Variants in ZNF524 observed in about 807,000 individuals in gnomAD.
ZNF524 encodes zinc finger protein 524.
For synonymous variants in ZNF524, 194 were observed against 166.3 expected (o/e 1.17, Z -1.28); for missense variants, 388 against 380.1 (o/e 1.02, Z -0.17).
Position 55,603,039 on chromosome 19 carries a change from G to A in ZNF524, c.*132G>A. The A allele has an allele frequency of 8.5e-7, 1 of 1,181,534 alleles. No individual in the cohort carries two copies. Among genetic ancestry groups the A allele is most frequent in the Non-Finnish European group, 1.2e-6 (1 of 855,694 alleles). The allele number at this position is 1,181,534 out of a possible 1,614,324, so 73.2% of individuals were successfully genotyped here. A position where few individuals can be genotyped will look rare whatever the true frequency, so the allele number is the denominator to read the frequency against. On this transcript the variant is annotated 3_prime_UTR_variant, in exon 2 of 2. Transcript: ENST00000301073. The stretch of plus-strand genomic sequence containing the variant: ...CCGTTGTGGGAGCAGGTGGAGGGTG[G>A]AGACCTAAACTTTGGGGTCCAGCTG...
Position 55,602,615 on chromosome 19 carries a change from G to C in ZNF524, c.503G>C (p.Arg168Pro). 1 of 1,580,780 alleles carries C rather than the reference G, an allele frequency of 6.3e-7. No individual in the cohort carries two copies. Among genetic ancestry groups the C allele is most frequent in the Non-Finnish European group, 8.5e-7 (1 of 1,169,866 alleles). The change falls in exon 2 of 2, where the codon CGG becomes CCG. Residue 168 changes from arginine to proline, a missense_variant. Physicochemically the swap from Arg to Pro is moderately radical, Grantham distance 103. Transcript: ENST00000301073. ...CACTGCAACATCCATGCCGGCCTGC[G>C]GCCCTTCCGCTGCCCGCTGTGCCCC... ...RRHCNIHAGL[R>P]PFRCPLCPRR...
chr19:55,602,915 C>T lies in ZNF524; in HGVS notation c.*8C>T. The stretch of plus-strand genomic sequence containing the variant: ...AAAGGGGAGCCGGCCTGACCCACAC[C>T]CCCGGCCATCGCTCCCTGGGCCAGG... On this transcript the variant is annotated 3_prime_UTR_variant, in exon 2 of 2. Coordinates refer to ENST00000301073, the MANE Select transcript of ZNF524 (RefSeq NM_153219.4). 1 of 1,541,248 alleles carries T rather than the reference C, an allele frequency of 6.5e-7. No individual in the cohort carries two copies. Among genetic ancestry groups the T allele is most frequent in the Non-Finnish European group, 8.8e-7 (1 of 1,140,412 alleles).
intron 1 of ZNF524, 177 bp from the exon 2 acceptor site, chr19:55,601,898 A>G (rs1980698982): frequency 1.4e-5 from 6 of 421,334 alleles, no homozygotes; most frequent in Non-Finnish European, 2.5e-5. Context: ...CCTGTTTATC[A>G]GCTGATACAA....
At position 55,602,865 on chromosome 19, in the gene ZNF524, CGAG is replaced by C. The variant is rs778871635; in HGVS notation, c.766_768del (p.Glu256del). On this transcript the variant is annotated inframe_deletion, in exon 2 of 2. Coordinates refer to ENST00000301073, the MANE Select transcript of ZNF524 (RefSeq NM_153219.4). ...AGGGCATCCCGGCCACAGCAGGGGCCGAGGAGGAGGAGGAGACAGAGGGGAAAG... is the reference window on the plus strand; with the variant it reads ...AGGGCATCCCGGCCACAGCAGGGGCCGAGGAGGAGGAGACAGAGGGGAAAG... 97 of 1,593,806 alleles carry C rather than the reference CGAG, an allele frequency of 6.1e-5. No homozygotes were observed. The highest frequency in any genetic ancestry group is 2.1e-4 in the Admixed American group (12 of 56,246).
chr19:55,602,212 C>T lies in ZNF524; in HGVS notation c.100C>T (p.Arg34Cys), dbSNP rs757836781. The T allele has an allele frequency of 1.2e-6, 2 of 1,612,616 alleles. No individual in the cohort carries two copies. The highest frequency in any genetic ancestry group is 2.2e-5 in the South Asian group (2 of 91,026). The change falls in exon 2 of 2, where the codon CGT becomes TGT. Residue 34 changes from arginine (R) to cysteine (C), a missense_variant. Physicochemically the swap from Arg to Cys is radical, Grantham distance 180. Coordinates refer to ENST00000301073, the MANE Select transcript of ZNF524 (RefSeq NM_153219.4). Reference sequence around the variant, plus strand: ...TCCTGTTCCCCGGGGCCGCCGAGGCCGTCGTCCTGGGGGAGCCACCTCCTC... The same window carrying T: ...TCCTGTTCCCCGGGGCCGCCGAGGCTGTCGTCCTGGGGGAGCCACCTCCTC... ...SPPVPRGRRG[R>C]RPGGATSSNR...
Position 55,603,052 on chromosome 19 carries a change from T to C in ZNF524, c.*145T>C, listed in dbSNP as rs1980785542. 3 of 1,015,434 alleles carry C rather than the reference T, an allele frequency of 3.0e-6. No homozygotes were observed. The highest frequency in any genetic ancestry group is 3.2e-4 in the Middle Eastern group (1 of 3,090). 62.9% of individuals were successfully genotyped at this position (1,015,434 alleles called of 1,614,324 possible). ...AGGTGGAGGGTGGAGACCTAAACTT[T>C]GGGGTCCAGCTGCCTTCAGCCCCCC... On this transcript the variant is annotated 3_prime_UTR_variant, in exon 2 of 2. Coordinates refer to ENST00000301073, the MANE Select transcript of ZNF524 (RefSeq NM_153219.4).
At chr19:55,601,982 A>G in intron 1 of ZNF524, 93 bp from the exon 2 acceptor site, 1 of 808,212 alleles carries the variant, frequency 1.2e-6, no homozygotes, top group Non-Finnish European at 1.9e-6. Context: ...CACCTTTGTC[A>G]AGAGACTTGG....
At chr19:55,602,036 G>T in intron 1 of ZNF524, 39 bp from the exon 2 acceptor site, 1 of 1,376,938 alleles carries the variant, frequency 7.3e-7, no homozygotes, top group African/African-American at 1.4e-5. Context: ...GGGTGCTCTA[G>T]ACCCTGTGAG....
At position 55,602,894 on chromosome 19, in the gene ZNF524, G is replaced by T; in HGVS notation, c.782G>T (p.Gly261Val). The T allele has an allele frequency of 6.3e-7, 1 of 1,576,212 alleles. No individual in the cohort carries two copies. Among genetic ancestry groups the T allele is most frequent in the Non-Finnish European group, 8.6e-7 (1 of 1,161,232 alleles). The change falls in exon 2 of 2, where the codon GGG becomes GTG. Residue 261 changes from glycine to valine, a missense_variant. Physicochemically the swap from Gly to Val is moderately radical, Grantham distance 109. Transcript: ENST00000301073. ...AEEEEETEGK[G>V]EPA is the part of the protein sequence containing the mutation. ...GAGGAGGAGGAGACAGAGGGGAAAG[G>T]GGAGCCGGCCTGACCCACACCCCCG...
At position 55,603,130 on chromosome 19, in the gene ZNF524, C is replaced by G; in HGVS notation, c.*223C>G. 1 of 592,676 alleles carries G rather than the reference C, an allele frequency of 1.7e-6. No individual in the cohort carries two copies. The highest frequency in any genetic ancestry group is 3.0e-6 in the Non-Finnish European group (1 of 331,832). The allele number at this position is 592,676 out of a possible 1,614,324, so 36.7% of individuals were successfully genotyped here. On this transcript the variant is annotated 3_prime_UTR_variant, in exon 2 of 2. Coordinates refer to ENST00000301073, the MANE Select transcript of ZNF524 (RefSeq NM_153219.4). Reference sequence around the variant, plus strand: ...CAGGGGCTGTGGAAATAAATCTCTGCCTGCTGGCTGCCTGTGTGTGTTCCG... The same window carrying G: ...CAGGGGCTGTGGAAATAAATCTCTGGCTGCTGGCTGCCTGTGTGTGTTCCG...
chr19:55,602,300 A>C lies in ZNF524; in HGVS notation c.188A>C (p.Glu63Ala). Residue 63 changes from glutamate to alanine, a missense_variant, in exon 2 of 2, where the codon GAG becomes GCG. Physicochemically the swap from Glu to Ala is moderately radical, Grantham distance 107. Transcript: ENST00000301073. ...KRGRPPKSGQ[E>A]PPLVQVQGVT... ...GGCCGCCCCCCCAAGTCAGGGCAGG[A>C]GCCCCCACTGGTGCAGGTGCAGGGG... The C allele has an allele frequency of 6.3e-7, 1 of 1,583,056 alleles. No individual in the cohort carries two copies. Among genetic ancestry groups the C allele is most frequent in the Non-Finnish European group, 8.6e-7 (1 of 1,164,862 alleles).
At position 55,602,771 on chromosome 19, in the gene ZNF524, A is replaced by C; in HGVS notation, c.659A>C (p.Lys220Thr). Residue 220 changes from lysine (K) to threonine (T), a missense_variant, in exon 2 of 2, where the codon AAG becomes ACG. Transcript: ENST00000301073. ...ANTLRRHAKR[K>T]HPEAMGVPLC... ...ACGCTCCGGCGCCATGCGAAGCGCA[A>C]GCACCCGGAGGCCATGGGGGTACCC... 6.2e-7 allele frequency: 1 copy of C among 1,610,526 alleles called. No individual in the cohort carries two copies.
rs1377139683 is a variant in ZNF524 at position 55,602,341 on chromosome 19, G to A, written c.229G>A (p.Gly77Ser). 6.3e-6 allele frequency: 10 copies of A among 1,577,158 alleles called. No individual in the cohort carries two copies. Among genetic ancestry groups the A allele is most frequent in the East Asian group, 2.3e-5 (1 of 42,604 alleles). ...VQVQGVTAPVGSSGGSDLLLI... is the reference protein window; with the variant it reads ...VQVQGVTAPVSSSGGSDLLLI... ...GGTGCAGGGGGTGACAGCCCCAGTAGGCAGCAGTGGCGGGAGCGACCTCCT... is the reference window on the plus strand; with the variant it reads ...GGTGCAGGGGGTGACAGCCCCAGTAAGCAGCAGTGGCGGGAGCGACCTCCT... Residue 77 changes from glycine (G) to serine (S), a missense_variant, in exon 2 of 2, where the codon GGC (glycine) becomes AGC (serine). Coordinates refer to ENST00000301073, the MANE Select transcript of ZNF524 (RefSeq NM_153219.4).
In ZNF524 at chr19:55,602,818, T is replaced by A. The variant is rs1340222977; in HGVS notation, c.706T>A (p.Ser236Thr). 1 of 1,610,796 alleles carries A rather than the reference T, an allele frequency of 6.2e-7. No homozygotes were observed. Among genetic ancestry groups the A allele is most frequent in the Non-Finnish European group, 8.5e-7 (1 of 1,179,536 alleles). The change falls in exon 2 of 2, where the codon TCT (serine) becomes ACT (threonine). Residue 236 changes from serine (S) to threonine (T), a missense_variant. Transcript: ENST00000301073. ...ACCCCTGTGTGCACCAGATCCAGGG[T>A]CTGAACCGCCGTGGGACGAGGAGGG... ...GVPLCAPDPG[S>T]EPPWDEEGIP...
At chr19:55,602,011 T>G in intron 1 of ZNF524, 64 bp from the exon 2 acceptor site, 1 of 1,068,764 alleles carries the variant, frequency 9.4e-7, no homozygotes, top group Non-Finnish European at 1.3e-6. Flanking sequence ...ATGGGCGAGG[T>G]GTTGGGGGAC....
intron 1 of ZNF524, 89 bp from the exon 2 acceptor site, chr19:55,601,986 G>A: frequency 2.4e-6 from 2 of 843,460 alleles, no homozygotes; most frequent in Non-Finnish European, 3.6e-6. Flanking sequence ...TTTGTCAAGA[G>A]ACTTGGAGAG....
intron 1 of ZNF524, chr19:55,600,632 C>T (rs538333150): frequency 1.3e-5 from 2 of 152,224 alleles, no homozygotes; most frequent in East Asian, 3.9e-4. Flanking sequence ...CCGCCCCGCG[C>T]TTGGGCTTCG....
Position 55,602,925 on chromosome 19 carries a change from C to A in ZNF524, c.*18C>A. The A allele has an allele frequency of 6.5e-7, 1 of 1,529,666 alleles. No homozygotes were observed. Among genetic ancestry groups the A allele is most frequent in the Non-Finnish European group, 8.8e-7 (1 of 1,134,280 alleles). 94.8% of individuals were successfully genotyped at this position (1,529,666 alleles called of 1,614,324 possible). A position where few individuals can be genotyped will look rare whatever the true frequency, so the allele number is the denominator to read the frequency against. ...CGGCCTGACCCACACCCCCGGCCAT[C>A]GCTCCCTGGGCCAGGTTTAGAGCAG... On this transcript the variant is annotated 3_prime_UTR_variant, in exon 2 of 2. Coordinates refer to ENST00000301073, the MANE Select transcript of ZNF524 (RefSeq NM_153219.4).
At chr19:55,600,187 A>T (rs1980579330), upstream of ZNF524, 1 of 151,790 alleles carries the variant, frequency 6.6e-6, no homozygotes, top group African/African-American at 2.4e-5. Context: ...GTTAGGACCC[A>T]GCGAGTCCCC....
Sources: allele counts gnomAD v4.1 joint callset, GRCh38; gene constraint gnomAD v4.1.1; transcripts MANE v1.5; gene names NCBI Gene and HGNC (gene_info 2026-07-23, HGNC 2026-07-21).